MTFR1: variants seen among roughly 807,000 people sequenced by gnomAD.
MTFR1 encodes the protein mitochondrial fission regulator 1, also known as chondrocyte protein with a poly-proline region.
MTFR1 carries 28 observed loss-of-function variants against 38.8 expected under a neutral mutation model. That is an observed-to-expected ratio of 0.72 (90% CI 0.53 to 0.99). MTFR1 has a LOEUF of 0.99. Among genes scored for constraint, MTFR1 ranks in the 50% least tolerant of loss-of-function variants. MTFR1 has a pLI of 0.00. For missense variants in MTFR1, 358 were observed against 395.5 expected (o/e 0.91, Z 0.81); for synonymous variants, 145 against 137.0 (o/e 1.06, Z -0.41).
intron 3 of MTFR1, among the ~76,000 whole-genome samples, chr8:65,743,419 TAGA>T (rs1480900348): frequency 6.6e-6 from 1 of 151,922 alleles, no homozygotes; most frequent in Non-Finnish European, 1.5e-5. Context: ...AAAGGAAAAG[TAGA>T]AGAGAGATAG....
At position 65,682,281 on chromosome 8, in the gene MTFR1, A is replaced by G. The variant is rs981371184; in HGVS notation, c.67-72A>G. The G allele has an allele frequency of 2.3e-5, 15 of 658,930 alleles. No homozygotes were observed. In the Middle Eastern group the frequency reaches 1.6e-3, roughly 70 times the overall value. 40.8% of individuals were successfully genotyped at this position (658,930 alleles called of 1,614,324 possible). A position where few individuals can be genotyped will look rare whatever the true frequency, so the allele number is the denominator to read the frequency against. ...AATGTGTTAGTATGTCATACAAATA[A>G]TTGTCTAATGCTTTGTCTTAACAGT... On this transcript the variant is annotated intron_variant, in intron 2 of 7. Coordinates refer to ENST00000262146, the MANE Select transcript of MTFR1 (RefSeq NM_014637.4).
At chr8:65,717,679 A>C (rs1482011113) in intron 2 of MTFR1, 1 of 152,250 alleles carries the variant, frequency 6.6e-6, no homozygotes, top group African/African-American at 2.4e-5. Flanking sequence ...GTCAAAGATA[A>C]AAATATGAAA....
intron 2 of MTFR1, chr8:65,719,325 A>C (rs1171972726): frequency 1.9e-6 from 3 of 1,613,902 alleles, no homozygotes; most frequent in African/African-American, 2.7e-5. Context: ...AATAACTGTG[A>C]GTTCAACTCA....
At chr8:65,648,720 G>A (rs1175737428) in intron 1 of MTFR1, among the ~76,000 whole-genome samples, 1 of 152,044 alleles carries the variant, frequency 6.6e-6, no homozygotes, top group Non-Finnish European at 1.5e-5. Context: ...TAAACAGTCA[G>A]ACAAGTTAAA....
chr8:65,671,385 T>G (rs1156357500), intron 2 of MTFR1, among the ~76,000 whole-genome samples: 1 of 151,926 alleles, frequency 6.6e-6, no homozygotes, highest in Non-Finnish European at 1.5e-5. Flanking sequence ...ATTTAAAAAA[T>G]TTAGCTGGGC....
chr8:65,718,937 A>C (rs1236183185), intron 2 of MTFR1: 1 of 284,636 alleles, frequency 3.5e-6, no homozygotes, highest in Non-Finnish European at 6.8e-6. Flanking sequence ...GTTAAATTCC[A>C]AGAGATTGTT....
At chr8:65,675,218 G>A (rs1027097993) in intron 2 of MTFR1, among the ~76,000 whole-genome samples, 7 of 152,276 alleles carry the variant, frequency 4.6e-5, no homozygotes, top group South Asian at 2.1e-4. Flanking sequence ...GTTTGAACTC[G>A]GGAGGCACAG....
chr8:65,747,799 T>C, intron 3 of MTFR1: 1 of 1,601,082 alleles, frequency 6.2e-7, no homozygotes, highest in Admixed American at 1.7e-5. Flanking sequence ...CAATTTCAGA[T>C]TGAGCTGAAA....
chr8:65,740,066 G>A (rs1807339409), intron 3 of MTFR1, among the ~76,000 whole-genome samples: 1 of 151,688 alleles, frequency 6.6e-6, no homozygotes, highest in Admixed American at 6.6e-5. Context: ...ATCCATACAG[G>A]GTTAGGAGGA....
chr8:65,651,937 T>G (rs1243861425), intron 1 of MTFR1, among the ~76,000 whole-genome samples: 1 of 152,014 alleles, frequency 6.6e-6, no homozygotes, highest in Non-Finnish European at 1.5e-5. Flanking sequence ...ACATGGAATA[T>G]TTTTTCCTTG....
chr8:65,746,599 A>G (rs1807687211), intron 3 of MTFR1, among the ~76,000 whole-genome samples: 1 of 152,148 alleles, frequency 6.6e-6, no homozygotes, highest in Admixed American at 6.5e-5. Context: ...CTTTTTCTAG[A>G]AAAAAACTTA....
rs553654896 is a variant in MTFR1, at chr8:65,675,217, C to T, written c.66+5199C>T. Among the ~76,000 whole-genome samples the T allele has an allele frequency of 2.4e-3, 359 of 152,064 alleles. 3 individuals are homozygous for T. Among genetic ancestry groups the T allele is most frequent in the Non-Finnish European group, 3.2e-3 (216 of 67,974 alleles). On this transcript the variant is annotated intron_variant, in intron 2 of 7. Coordinates refer to ENST00000262146, the MANE Select transcript of MTFR1 (RefSeq NM_014637.4). ...GAGGCAGGAGAATCCGGTTTGAACTCGGGAGGCACAGGTTGCAGTGAGCCG... is the reference window on the plus strand; with the variant it reads ...GAGGCAGGAGAATCCGGTTTGAACTTGGGAGGCACAGGTTGCAGTGAGCCG...
intron 3 of MTFR1, chr8:65,747,615 C>G (rs1208386846): frequency 7.1e-7 from 1 of 1,417,710 alleles, no homozygotes; most frequent in Admixed American, 1.9e-5. Flanking sequence ...GTAAACTTAT[C>G]AAAAAATTAA....
intron 1 of MTFR1, among the ~76,000 whole-genome samples, chr8:65,649,767 AACCAT>A (rs1447769657): frequency 3.3e-5 from 5 of 152,074 alleles, no homozygotes; most frequent in African/African-American, 1.2e-4. Flanking sequence ...TGTATGCATT[AACCAT>A]CCCTACTCCA....
intron 3 of MTFR1, among the ~76,000 whole-genome samples, chr8:65,733,051 A>C (rs975859612): frequency 1.3e-5 from 2 of 152,194 alleles, no homozygotes; most frequent in Admixed American, 6.5e-5. Context: ...ATAAGGGAGA[A>C]GGGAAATGCC....
At chr8:65,683,608 G>T (rs67679220) in intron 3 of MTFR1, among the ~76,000 whole-genome samples, 16,717 of 152,210 alleles carry the variant, frequency 0.11, 1,144 homozygotes, top group Middle Eastern at 0.17. Context: ...TGTGGAAGAT[G>T]TATTTAACTC....
intron 3 of MTFR1, among the ~76,000 whole-genome samples, chr8:65,692,083 C>T (rs554528136): frequency 6.6e-6 from 1 of 152,214 alleles, no homozygotes; most frequent in East Asian, 1.9e-4. Context: ...CAAGGGTAAC[C>T]TTTTTGATAA....
intron 4 of MTFR1, among the ~76,000 whole-genome samples, chr8:65,703,135 T>C (rs988764765): frequency 6.7e-6 from 1 of 148,624 alleles, no homozygotes; most frequent in Non-Finnish European, 1.5e-5. Context: ...CTGCATAATA[T>C]ATAATCCCAA....
At chr8:65,733,581 C>T (rs1271056941) in intron 3 of MTFR1, among the ~76,000 whole-genome samples, 2 of 152,024 alleles carry the variant, frequency 1.3e-5, no homozygotes, top group Non-Finnish European at 2.9e-5. Context: ...GATCACGCCA[C>T]TGCACTCCAG....
Sources: gnomAD v4.1 joint callset for allele counts (sites outside exome capture counted in the v4.1 genomes callset) on GRCh38, gnomAD v4.1.1 for gene constraint, MANE v1.5 for transcripts, NCBI Gene and HGNC (gene_info 2026-07-23, HGNC 2026-07-21) for gene names.